MAF: variants seen among roughly 807,000 people sequenced by gnomAD.
MAF encodes MAF bZIP transcription factor, also known as transcription factor Maf.
A neutral mutation model predicts 22.0 loss-of-function variants in MAF; 10 were observed. The observed-to-expected ratio is 0.45, with a 90% CI of 0.28 to 0.77. The LOEUF (loss-of-function observed/expected upper bound fraction) is 0.77, where lower values mean the gene tolerates loss of function less well. Among genes scored for constraint, MAF ranks in the 30% least tolerant of loss-of-function variants. MAF has a pLI of 0.12. For synonymous variants in MAF, 337 were observed against 255.8 expected, an observed-to-expected ratio of 1.32 and a Z score of -3.03; for missense variants, 544 against 548.4, an observed-to-expected ratio of 0.99 and a Z score of 0.08.
the MAF span, among the ~76,000 whole-genome samples, chr16:79,266,075 T>G: frequency 6.6e-6 from 1 of 152,074 alleles, no homozygotes; most frequent in Non-Finnish European, 1.5e-5. Context: ...GGTCTCACTG[T>G]GTTGCCTAGG....
chr16:79,346,626 T>G, the MAF span, among the ~76,000 whole-genome samples: 40 of 152,248 alleles, frequency 2.6e-4, 2 homozygotes, highest in Admixed American at 2.3e-3. Flanking sequence ...ATTTTATTAT[T>G]TGAGGTGAAA....
the MAF span, among the ~76,000 whole-genome samples, chr16:79,413,654 T>C: frequency 6.6e-6 from 1 of 152,182 alleles, no homozygotes; most frequent in African/African-American, 2.4e-5. Context: ...AAATAACATA[T>C]GTCAATAATG....
the MAF span, among the ~76,000 whole-genome samples, chr16:79,363,977 C>G: frequency 1.3e-5 from 2 of 152,248 alleles, no homozygotes; most frequent in East Asian, 3.9e-4. Flanking sequence ...TGTGCAGTTC[C>G]CTCTGACCAG....
chr16:79,382,249 T>A, the MAF span, among the ~76,000 whole-genome samples: 1 of 152,182 alleles, frequency 6.6e-6, no homozygotes, highest in South Asian at 2.1e-4. Context: ...GGTAAATGAG[T>A]GTCTAATCCT....
At chr16:79,284,174 G>C in the MAF span, among the ~76,000 whole-genome samples, 1 of 152,082 alleles carries the variant, frequency 6.6e-6, no homozygotes, top group African/African-American at 2.4e-5. Flanking sequence ...TTGCGCCCAG[G>C]AGCTTAAAGC....
chr16:79,417,764 G>C, the MAF span, among the ~76,000 whole-genome samples: 2 of 152,130 alleles, frequency 1.3e-5, no homozygotes, highest in Non-Finnish European at 2.9e-5. Flanking sequence ...GCTTAGTTTT[G>C]TTTACAGCTT....
At chr16:79,364,378 C>T in the MAF span, among the ~76,000 whole-genome samples, 1 of 152,140 alleles carries the variant, frequency 6.6e-6, no homozygotes, top group African/African-American at 2.4e-5. Flanking sequence ...AGTTTTTGGA[C>T]ACAACTTCCC....
At chr16:79,370,332 T>C in the MAF span, among the ~76,000 whole-genome samples, 2 of 152,204 alleles carry the variant, frequency 1.3e-5, no homozygotes, top group South Asian at 2.1e-4. Context: ...GCTGGTATCA[T>C]AGACCAAAAT....
the MAF span, among the ~76,000 whole-genome samples, chr16:79,234,875 C>A: frequency 1.3e-5 from 2 of 152,042 alleles, no homozygotes; most frequent in African/African-American, 4.8e-5. Context: ...GGAGCAGACC[C>A]AGAAGCAGGG....
At chr16:79,434,962 G>C in the MAF span, among the ~76,000 whole-genome samples, 2 of 152,130 alleles carry the variant, frequency 1.3e-5, no homozygotes. Flanking sequence ...TGCGACTGGT[G>C]ATGAGATCAC....
chr16:79,502,702 AATATAAATATATATATATAT>A, the MAF span, among the ~76,000 whole-genome samples: 40,996 of 86,374 alleles, frequency 0.47, 9,594 homozygotes, highest in East Asian at 0.66. Context: ...TATAAATATA[AATATAAATATATATATATAT>A]ATATATATAT....
At chr16:79,595,389 T>A in intron 1 of MAF, 1 of 1,052,490 alleles carries the variant, frequency 9.5e-7, no homozygotes, top group Non-Finnish European at 1.1e-6. Flanking sequence ...AAAATAAGTC[T>A]TTCAGTCAGA....
the MAF span, among the ~76,000 whole-genome samples, chr16:79,307,019 T>C: frequency 6.6e-6 from 1 of 152,256 alleles, no homozygotes; most frequent in Non-Finnish European, 1.5e-5. Context: ...TCCCAACTTC[T>C]GCACATCACT....
the MAF span, among the ~76,000 whole-genome samples, chr16:79,518,877 A>G: frequency 6.6e-6 from 1 of 152,154 alleles, no homozygotes; most frequent in Admixed American, 6.5e-5. Flanking sequence ...ATGAGCCAAG[A>G]TCATGCCACT....
chr16:79,588,436 T>C (rs1010516003), intron 1 of MAF, among the ~76,000 whole-genome samples: 1 of 152,168 alleles, frequency 6.6e-6, no homozygotes, highest in African/African-American at 2.4e-5. Context: ...CTTTTCTTTC[T>C]TTCTTTCTTT....
the MAF span, among the ~76,000 whole-genome samples, chr16:79,403,668 A>G: frequency 1.3e-5 from 2 of 152,228 alleles, no homozygotes; most frequent in African/African-American, 4.8e-5. Context: ...CAAGGCTCAC[A>G]CCATGGTGAG....
the MAF span, among the ~76,000 whole-genome samples, chr16:79,404,523 C>A: frequency 6.6e-6 from 1 of 152,170 alleles, no homozygotes; most frequent in African/African-American, 2.4e-5. Context: ...CGAGGAGAGA[C>A]TGATTCTTGA....
At chr16:79,374,984 T>A in the MAF span, among the ~76,000 whole-genome samples, 14 of 152,204 alleles carry the variant, frequency 9.2e-5, no homozygotes, top group Admixed American at 7.9e-4. Context: ...ATGTCCACAC[T>A]TGTGAATAGA....
the MAF span, among the ~76,000 whole-genome samples, chr16:79,300,187 G>C: frequency 6.6e-6 from 1 of 152,208 alleles, no homozygotes; most frequent in Non-Finnish European, 1.5e-5. Flanking sequence ...AGCTAGATAG[G>C]TGTATGGAAT....
Sources: gnomAD v4.1 joint callset for allele counts (sites outside exome capture counted in the v4.1 genomes callset) on GRCh38, gnomAD v4.1.1 for gene constraint, MANE v1.5 for transcripts, NCBI Gene and HGNC (gene_info 2026-07-23, HGNC 2026-07-21) for gene names.